Variants in TBL1X observed in about 807,000 individuals in gnomAD.
The protein encoded by TBL1X is transducin beta like 1 X-linked, also known as F-box-like/WD repeat-containing protein TBL1X.
In TBL1X, 10 loss-of-function variants were observed where a neutral mutation model predicts 50.7. That is an observed-to-expected ratio of 0.20 (90% CI 0.12 to 0.33). TBL1X has a LOEUF of 0.33. TBL1X is among the 10% of genes least tolerant of loss of function. TBL1X has a pLI of 1.00. For synonymous variants in TBL1X, 190 were observed against 214.7 expected, an observed-to-expected ratio of 0.88 and a Z score of 1.01; for missense variants, 340 against 504.4, an observed-to-expected ratio of 0.67 and a Z score of 3.12.
chrX:9,519,657 C>A (rs1317964214), intron 2 of TBL1X, among the ~76,000 whole-genome samples: 1 of 111,715 alleles, frequency 9.0e-6, no homozygotes, highest in Admixed American at 9.5e-5. Context: ...CAGGCAGGAT[C>A]TTTTTTACAG....
rs149351299 is a variant in TBL1X at position 9,631,059 on chromosome X, G to C, written c.-130-9214G>C. Among the ~76,000 whole-genome samples the C allele has an allele frequency of 6.1e-3, 680 of 111,613 alleles. 6 individuals are homozygous for C. The highest frequency in any genetic ancestry group is 0.021 in the African/African-American group (648 of 30,772). ...TATTCAAAGTAGTAGGTTTGTTATA[G>C]ACAGCATAGAGAAGACTCTGGCTTT... On this transcript the variant is annotated intron_variant, in intron 2 of 17. Transcript: ENST00000645353.
chrX:9,538,444 T>TAA (rs1318521998), intron 2 of TBL1X, among the ~76,000 whole-genome samples: 1 of 111,977 alleles, frequency 8.9e-6, no homozygotes, highest in African/African-American at 3.2e-5. Context: ...TTACCAAAGA[T>TAA]AAATTTGGTA....
intron 2 of TBL1X, among the ~76,000 whole-genome samples, chrX:9,563,163 A>AG (rs371140406): frequency 3.9e-4 from 44 of 112,813 alleles, no homozygotes; most frequent in African/African-American, 1.3e-3. Context: ...CATATAAGGA[A>AG]GTTGCCTTCA....
intron 2 of TBL1X, among the ~76,000 whole-genome samples, chrX:9,533,614 T>C (rs1191327512): frequency 9.0e-6 from 1 of 110,930 alleles, no homozygotes; most frequent in African/African-American, 3.3e-5. Flanking sequence ...GCAGGACAAT[T>C]TCCAAGGCAA....
chrX:9,470,674 T>G lies in TBL1X; in HGVS notation c.-201+5227T>G, dbSNP rs990157323. Among the ~76,000 whole-genome samples the G allele has an allele frequency of 2.7e-5, 3 of 111,869 alleles. No individual in the cohort carries two copies. In the East Asian group the frequency reaches 8.4e-4, roughly 31 times the overall value. ...TTTGAGACAGAATTTCATTGGTGTT[T>G]CCCAGGTTGGAGTGCAGTGGCATGA... On this transcript the variant is annotated intron_variant, in intron 1 of 17. Coordinates refer to ENST00000645353, the MANE Select transcript of TBL1X (RefSeq NM_005647.4).
At chrX:9,545,471 C>CA (rs1176024943) in intron 2 of TBL1X, among the ~76,000 whole-genome samples, 5 of 108,325 alleles carry the variant, frequency 4.6e-5, no homozygotes, top group Admixed American at 2.0e-4. Flanking sequence ...TGCTTGAGCC[C>CA]AGGAGTTCAA....
chrX:9,532,563 C>G (rs181785615), intron 2 of TBL1X, among the ~76,000 whole-genome samples: 3 of 111,136 alleles, frequency 2.7e-5, no homozygotes, highest in Admixed American at 9.4e-5. Context: ...GCCTTAGTCT[C>G]CTGGGCTGCC....
chrX:9,502,570 G>T (rs890221710), intron 2 of TBL1X, among the ~76,000 whole-genome samples: 7 of 112,278 alleles, frequency 6.2e-5, no homozygotes, highest in African/African-American at 2.3e-4. Context: ...CTGGCAAGGA[G>T]CAGAGCTGGG....
At chrX:9,569,977 C>T (rs755565980) in intron 2 of TBL1X, among the ~76,000 whole-genome samples, 1 of 112,061 alleles carries the variant, frequency 8.9e-6, no homozygotes, top group African/African-American at 3.3e-5. Context: ...GGGGCGCAGT[C>T]CTGGCATGGG....
intron 1 of TBL1X, among the ~76,000 whole-genome samples, chrX:9,476,126 A>G (rs2081848226): frequency 8.9e-6 from 1 of 112,145 alleles, no homozygotes; most frequent in Non-Finnish European, 1.9e-5. Flanking sequence ...ACTCACTGTG[A>G]AGAGAGGAGA....
At chrX:9,698,424 G>C (rs770435118) in intron 12 of TBL1X, among the ~76,000 whole-genome samples, 1 of 111,700 alleles carries the variant, frequency 9.0e-6, no homozygotes, top group Non-Finnish European at 1.9e-5. Flanking sequence ...AAAGGGAAAC[G>C]GTGCACACGG....
chrX:9,509,162 C>T (rs777620852), intron 2 of TBL1X, among the ~76,000 whole-genome samples: 9 of 106,874 alleles, frequency 8.4e-5, no homozygotes, highest in South Asian at 4.2e-4. Context: ...CCAAGGCGGA[C>T]GGATCACAAG....
rs2082760862 is a variant in TBL1X, at chrX:9,638,781, A to G, written c.-130-1492A>G. Among the ~76,000 whole-genome samples, 3 of 111,686 alleles carry G rather than the reference A, an allele frequency of 2.7e-5. No homozygotes were observed. The South Asian group carries it at 1.1e-3, about 42-fold the overall frequency. On this transcript the variant is annotated intron_variant, in intron 2 of 17. Coordinates refer to ENST00000645353, the MANE Select transcript of TBL1X (RefSeq NM_005647.4). ...TGTGGTGACAGCTGCTCATATTTTG[A>G]TACTTTATGGTATTTAGCAATTTCA...
intron 3 of TBL1X, among the ~76,000 whole-genome samples, chrX:9,646,061 G>A (rs1163879769): frequency 8.9e-6 from 1 of 112,663 alleles, no homozygotes; most frequent in Non-Finnish European, 1.9e-5. Context: ...ATGGTAATAA[G>A]AGTAATGGTC....
chrX:9,687,918 G>A, intron 6 of TBL1X, 99 bp from the exon 7 acceptor site: 3 of 1,118,682 alleles, frequency 2.7e-6, no homozygotes, highest in Non-Finnish European at 3.5e-6. Flanking sequence ...AGCTGTTTAC[G>A]CCCCACTTCC....
At chrX:9,678,358 A>G (rs12011618) in intron 5 of TBL1X, among the ~76,000 whole-genome samples, 20,429 of 110,971 alleles carry the variant, frequency 0.18, 1,489 homozygotes, top group Non-Finnish European at 0.22. Flanking sequence ...GTGTGAAAAT[A>G]GCCATAGACA....
intron 2 of TBL1X, among the ~76,000 whole-genome samples, chrX:9,582,330 A>G (rs1030933907): frequency 1.8e-5 from 2 of 112,323 alleles, no homozygotes; most frequent in Admixed American, 9.4e-5. Flanking sequence ...TTTGCAAGCA[A>G]TTTGCTTCCC....
intron 1 of TBL1X, among the ~76,000 whole-genome samples, chrX:9,467,916 G>T (rs2081787196): frequency 8.9e-6 from 1 of 112,349 alleles, no homozygotes; most frequent in Non-Finnish European, 1.9e-5. Context: ...AGCCGTTAAG[G>T]AGTCCGCCGG....
At position 9,547,011 on chromosome X, in the gene TBL1X, G is replaced by A. The variant is rs1315108569; in HGVS notation, c.-131+45162G>A. Among the ~76,000 whole-genome samples the A allele has an allele frequency of 2.8e-4, 30 of 106,367 alleles. No homozygotes were observed. The Middle Eastern group carries it at 0.015, about 52-fold the overall frequency. 92.4% of individuals were successfully genotyped at this position (106,367 alleles called of 115,157 possible). ...TTTTTTGTATTTTTAGTAGAGACGG[G>A]GTTTCACCGTGTTAGCCAGGATGGT... On this transcript the variant is annotated intron_variant, in intron 2 of 17. Transcript: ENST00000645353.
Sources: allele counts gnomAD v4.1 joint callset (sites outside exome capture counted in the v4.1 genomes callset), GRCh38; gene constraint gnomAD v4.1.1; transcripts MANE v1.5; gene names NCBI Gene and HGNC (gene_info 2026-07-23, HGNC 2026-07-21).